The following KANSL1L variants were observed in gnomAD, a reference collection of about 807,000 sequenced individuals.
The protein encoded by KANSL1L is KAT8 regulatory NSL complex subunit 1-like protein.
A neutral mutation model predicts 108.6 loss-of-function variants in KANSL1L; 25 were observed. That is an observed-to-expected ratio of 0.23 (90% confidence interval 0.17 to 0.32). KANSL1L has a LOEUF of 0.32. Among genes scored for constraint, KANSL1L ranks in the 10% least tolerant of loss-of-function variants. The pLI is 1.00. For missense variants in KANSL1L, 1,137 were observed against 1,125.7 expected (o/e 1.01, Z -0.14); for synonymous variants, 405 against 395.1 (o/e 1.03, Z -0.30).
intron 5 of KANSL1L, among the ~76,000 whole-genome samples, chr2:210,091,736 A>T (rs956325413): frequency 3.3e-5 from 5 of 152,170 alleles, no homozygotes; most frequent in Non-Finnish European, 1.5e-5. Context: ...ACTACTGTTC[A>T]CTTACACATG....
intron 2 of KANSL1L, among the ~76,000 whole-genome samples, chr2:210,129,647 G>A (rs2095102057): frequency 6.6e-6 from 1 of 152,160 alleles, no homozygotes; most frequent in South Asian, 2.1e-4. Context: ...TGTTAAAATA[G>A]GCATCGTTAT....
intron 6 of KANSL1L, among the ~76,000 whole-genome samples, chr2:210,067,413 G>A (rs2094473960): frequency 6.6e-6 from 1 of 152,060 alleles, no homozygotes; most frequent in South Asian, 2.1e-4. Flanking sequence ...ATAGATGTAT[G>A]TTAGTCTGGG....
chr2:210,033,773 C>T (rs950050076), intron 8 of KANSL1L, among the ~76,000 whole-genome samples: 10 of 151,320 alleles, frequency 6.6e-5, no homozygotes, highest in African/African-American at 2.2e-4. Context: ...CTCCTCACCT[C>T]GTGATCCGCC....
At chr2:210,030,952 T>C (rs1382829514) in intron 9 of KANSL1L, 1 of 152,220 alleles carries the variant, frequency 6.6e-6, no homozygotes, top group Non-Finnish European at 1.5e-5. Flanking sequence ...TCTTAGGTAA[T>C]GTATACTTCA....
intron 13 of KANSL1L, 141 bp downstream of exon 13, chr2:210,024,963 G>A (rs2093915560): frequency 1.6e-6 from 1 of 610,980 alleles, no homozygotes. Flanking sequence ...CTCATTCTAT[G>A]TAGTATTTTA....
intron 8 of KANSL1L, chr2:210,032,896 C>CTT (rs995449888): frequency 1.3e-5 from 2 of 152,190 alleles, no homozygotes; most frequent in Admixed American, 1.3e-4. Flanking sequence ...ATTAGCAACT[C>CTT]TTTAAAACAG....
intron 5 of KANSL1L, among the ~76,000 whole-genome samples, chr2:210,092,131 C>A (rs971506520): frequency 2.0e-5 from 3 of 152,068 alleles, no homozygotes; most frequent in Non-Finnish European, 4.4e-5. Flanking sequence ...TCCTATATGT[C>A]CAGAGGTAGA....
intron 6 of KANSL1L, among the ~76,000 whole-genome samples, chr2:210,051,479 AT>A (rs2094291847): frequency 6.6e-6 from 1 of 152,084 alleles, no homozygotes; most frequent in Non-Finnish European, 1.5e-5. Flanking sequence ...TTTTTAATAT[AT>A]TTTTAATTGG....
In KANSL1L at chr2:210,079,678, ATATATATATATATGTATGTGTG is replaced by A. The variant is rs1168324333; in HGVS notation, c.1551-3944_1551-3923del. 103 of 29,286 alleles carry A rather than the reference ATATATATATATATGTATGTGTG, an allele frequency of 3.5e-3. 1 individual carries two copies. Among genetic ancestry groups the A allele is most frequent in the African/African-American group, 8.5e-3 (82 of 9,638 alleles). The allele number at this position is 29,286 out of a possible 1,614,324, so 1.8% of individuals were successfully genotyped here. A position where few individuals can be genotyped will look rare whatever the true frequency, so the allele number is the denominator to read the frequency against. ...TATATATATATATGTATGTGTGTAT[ATATATATATATATGTATGTGTG>A]TATATATATATATATATATATATAT... On this transcript the variant is annotated intron_variant, in intron 5 of 14. Coordinates refer to ENST00000281772, the MANE Select transcript of KANSL1L (RefSeq NM_152519.4).
chr2:210,051,350 T>C (rs1178032802), intron 6 of KANSL1L, among the ~76,000 whole-genome samples: 13 of 152,216 alleles, frequency 8.5e-5, no homozygotes, highest in Admixed American at 7.9e-4. Context: ...ACTGGATGTC[T>C]CCCACTTTTA....
At chr2:210,148,846 AT>A (rs1052219054) in intron 2 of KANSL1L, among the ~76,000 whole-genome samples, 11 of 152,034 alleles carry the variant, frequency 7.2e-5, no homozygotes, top group African/African-American at 2.7e-4. Context: ...TTCCTGATCA[AT>A]TTTTCCTATC....
At chr2:210,163,606 T>C (rs556330687) in intron 1 of KANSL1L, among the ~76,000 whole-genome samples, 1 of 152,094 alleles carries the variant, frequency 6.6e-6, no homozygotes, top group African/African-American at 2.4e-5. Context: ...GAAACAATAA[T>C]GACTAAGAAT....
chr2:210,118,588 T>C (rs2094981178), intron 3 of KANSL1L, among the ~76,000 whole-genome samples: 1 of 151,930 alleles, frequency 6.6e-6, no homozygotes, highest in Admixed American at 6.6e-5. Context: ...GGCTCGTACC[T>C]GTAATCCCAG....
At chr2:210,065,184 G>A (rs1228836059) in intron 6 of KANSL1L, among the ~76,000 whole-genome samples, 1 of 144,804 alleles carries the variant, frequency 6.9e-6, no homozygotes, top group Admixed American at 7.2e-5. Context: ...CCTAGCTATT[G>A]GGGAGGCTGA....
At chr2:210,111,735 A>G (rs533440825) in intron 3 of KANSL1L, among the ~76,000 whole-genome samples, 3 of 152,084 alleles carry the variant, frequency 2.0e-5, no homozygotes, top group African/African-American at 7.2e-5. Context: ...TTTTTAAAAA[A>G]TTTTATTATT....
chr2:210,076,008 CAT>C (rs973821544), intron 5 of KANSL1L, among the ~76,000 whole-genome samples: 6 of 152,074 alleles, frequency 3.9e-5, no homozygotes, highest in Non-Finnish European at 7.4e-5. Context: ...AGAAAATGCT[CAT>C]GAGTTTACTA....
At chr2:210,120,316 C>T (rs557353866) in intron 3 of KANSL1L, among the ~76,000 whole-genome samples, 6 of 152,246 alleles carry the variant, frequency 3.9e-5, no homozygotes, top group African/African-American at 1.4e-4. Flanking sequence ...TGCTAGAAGC[C>T]AGGAGGCGGA....
At chr2:210,167,477 T>C (rs892437023) in intron 1 of KANSL1L, among the ~76,000 whole-genome samples, 2 of 152,082 alleles carry the variant, frequency 1.3e-5, no homozygotes, top group African/African-American at 4.8e-5. Flanking sequence ...GCATGACTCA[T>C]AGTCATTTTT....
chr2:210,075,459 G>C, intron 6 of KANSL1L, 93 bp downstream of exon 6: 1 of 777,302 alleles, frequency 1.3e-6, no homozygotes, highest in South Asian at 1.7e-5. Flanking sequence ...TTCAAAATAA[G>C]TGTTATGCTA....
Sources: gnomAD v4.1 joint callset for allele counts (sites outside exome capture counted in the v4.1 genomes callset) on GRCh38, gnomAD v4.1.1 for gene constraint, MANE v1.5 for transcripts, NCBI Gene and HGNC (gene_info 2026-07-23, HGNC 2026-07-21) for gene names.